LRMDA: variants seen among roughly 807,000 people sequenced by gnomAD.
LRMDA encodes the protein leucine-rich melanocyte differentiation-associated protein.
A neutral mutation model predicts 29.8 loss-of-function variants in LRMDA; 18 were observed. That is an observed-to-expected ratio of 0.60 (90% CI 0.42 to 0.90). The LOEUF (loss-of-function observed/expected upper bound fraction) is 0.90, where lower values mean the gene tolerates loss of function less well. Ranked by LOEUF, LRMDA falls within the 40% of genes least tolerant of loss-of-function variation. The pLI is 0.00. For missense variants in LRMDA, 273 were observed against 273.9 expected (o/e 1.00, Z 0.02); for synonymous variants, 125 against 109.4 (o/e 1.14, Z -0.89).
chr10:76,512,071 G>T (rs763200124), intron 6 of LRMDA, among the ~76,000 whole-genome samples: 1 of 152,022 alleles, frequency 6.6e-6, no homozygotes, highest in Non-Finnish European at 1.5e-5. Context: ...GGATAGTTTC[G>T]CCCATACTGT....
At chr10:75,792,184 C>A (rs1204028830) in intron 2 of LRMDA, among the ~76,000 whole-genome samples, 1 of 152,008 alleles carries the variant, frequency 6.6e-6, no homozygotes, top group East Asian at 1.9e-4. Context: ...TGAACTAACC[C>A]CAGCTGAGCA....
chr10:76,022,382 C>T (rs1847989078), intron 2 of LRMDA, among the ~76,000 whole-genome samples: 1 of 152,188 alleles, frequency 6.6e-6, no homozygotes, highest in Non-Finnish European at 1.5e-5. Context: ...TTTTCTTAGG[C>T]CTCAACGGCA....
intron 2 of LRMDA, among the ~76,000 whole-genome samples, chr10:75,722,720 A>G (rs1263564305): frequency 2.0e-5 from 3 of 152,228 alleles, no homozygotes; most frequent in Non-Finnish European, 4.4e-5. Flanking sequence ...AAAGTAGCTC[A>G]GCATAAAATG....
intron 2 of LRMDA, among the ~76,000 whole-genome samples, chr10:75,958,697 A>G (rs1846707979): frequency 6.6e-6 from 1 of 152,228 alleles, no homozygotes; most frequent in Admixed American, 6.5e-5. Flanking sequence ...ACTGGGTTGT[A>G]TAGCTGAGAG....
At chr10:75,575,782 C>A (rs1840496677) in intron 2 of LRMDA, among the ~76,000 whole-genome samples, 1 of 152,140 alleles carries the variant, frequency 6.6e-6, no homozygotes. Context: ...GGGAACTCCC[C>A]CTCCTAGCCA....
chr10:75,860,291 A>G (rs1002807682), intron 2 of LRMDA, among the ~76,000 whole-genome samples: 2 of 144,026 alleles, frequency 1.4e-5, no homozygotes, highest in Non-Finnish European at 3.0e-5. Context: ...TTGGAAAGCT[A>G]GATCATTATG....
At chr10:75,908,652 C>T (rs1054734069) in intron 2 of LRMDA, among the ~76,000 whole-genome samples, 1 of 152,160 alleles carries the variant, frequency 6.6e-6, no homozygotes, top group Non-Finnish European at 1.5e-5. Flanking sequence ...AGCTCTCCAT[C>T]GATGTCATCC....
chr10:76,426,760 A>G lies in LRMDA; in HGVS notation c.601+102275A>G, dbSNP rs987713896. On this transcript the variant is annotated intron_variant, in intron 6 of 6. Transcript: ENST00000611255. Reference sequence around the variant, plus strand: ...GGTCTAACATTTAAGTCTTTAATCCATCTTGAATTAATTTTTGCATAAGGT... The same window carrying G: ...GGTCTAACATTTAAGTCTTTAATCCGTCTTGAATTAATTTTTGCATAAGGT... Among the ~76,000 whole-genome samples, 19 of 152,306 alleles carry G rather than the reference A, an allele frequency of 1.2e-4. No homozygotes were observed. In the East Asian group the frequency reaches 2.9e-3, roughly 23 times the overall value.
chr10:75,717,576 G>T (rs1842517312), intron 2 of LRMDA, among the ~76,000 whole-genome samples: 1 of 152,184 alleles, frequency 6.6e-6, no homozygotes, highest in Non-Finnish European at 1.5e-5. Context: ...TCCTCTTGGT[G>T]TGACATCTGT....
At chr10:76,378,751 G>C (rs1404375815) in intron 6 of LRMDA, among the ~76,000 whole-genome samples, 1 of 151,134 alleles carries the variant, frequency 6.6e-6, no homozygotes, top group Non-Finnish European at 1.5e-5. Context: ...TTATGTTTTT[G>C]ATGTGCTACT....
intron 2 of LRMDA, among the ~76,000 whole-genome samples, chr10:75,849,714 C>T (rs960525603): frequency 6.6e-6 from 1 of 152,038 alleles, no homozygotes; most frequent in African/African-American, 2.4e-5. Context: ...ACACGTTTAC[C>T]TATGTAACAA....
chr10:75,491,351 G>A (rs749979839), intron 2 of LRMDA, among the ~76,000 whole-genome samples: 28 of 152,288 alleles, frequency 1.8e-4, no homozygotes, highest in Admixed American at 5.2e-4. Flanking sequence ...GCGGTATTGT[G>A]GGGGAGAGGT....
intron 2 of LRMDA, among the ~76,000 whole-genome samples, chr10:75,652,079 A>G (rs1841606642): frequency 6.6e-6 from 1 of 152,208 alleles, no homozygotes; most frequent in Non-Finnish European, 1.5e-5. Context: ...GTTGTCCAAC[A>G]ATAGTTACCA....
chr10:76,316,319 C>T (rs942106615), intron 5 of LRMDA, among the ~76,000 whole-genome samples: 7 of 152,222 alleles, frequency 4.6e-5, no homozygotes, highest in Admixed American at 2.0e-4. Context: ...GATGCAGCCT[C>T]TCTTGGAGCC....
intron 2 of LRMDA, among the ~76,000 whole-genome samples, chr10:75,630,642 T>C (rs1308433497): frequency 6.6e-6 from 1 of 152,250 alleles, no homozygotes; most frequent in Non-Finnish European, 1.5e-5. Context: ...TCTGTCAGCT[T>C]TGTTTATCTA....
intron 2 of LRMDA, among the ~76,000 whole-genome samples, chr10:75,911,412 G>A (rs537199957): frequency 1.3e-4 from 20 of 152,274 alleles, no homozygotes; most frequent in Middle Eastern, 3.4e-3. Flanking sequence ...CTGAGAGACT[G>A]AGGAGCTAGG....
At chr10:75,811,196 G>C (rs986685448) in intron 2 of LRMDA, among the ~76,000 whole-genome samples, 3 of 152,202 alleles carry the variant, frequency 2.0e-5, no homozygotes, top group Non-Finnish European at 4.4e-5. Flanking sequence ...AGGCCCCAAA[G>C]TGTCAGCAAC....
chr10:76,452,099 G>A (rs1842413313), intron 6 of LRMDA, among the ~76,000 whole-genome samples: 1 of 152,170 alleles, frequency 6.6e-6, no homozygotes, highest in Admixed American at 6.5e-5. Flanking sequence ...TCACTTATCA[G>A]ATGGCTCATC....
rs575659288 is a variant in LRMDA at position 76,416,900 on chromosome 10, C to A, written c.601+92415C>A. ...GGTGTGTCTGCACTGCCCATTCTTG[C>A]ATTTCTATCTTTTAACTGTTATGGA... is the stretch of plus-strand genomic sequence containing the variant. On this transcript the variant is annotated intron_variant, in intron 6 of 6. Coordinates refer to ENST00000611255, the MANE Select transcript of LRMDA (RefSeq NM_001305581.2). 2.0e-5 allele frequency among the ~76,000 whole-genome samples: 3 copies of A among 152,270 alleles called. No homozygotes were observed. The East Asian group carries it at 5.8e-4, about 29-fold the overall frequency.
Sources: allele counts gnomAD v4.1 joint callset (sites outside exome capture counted in the v4.1 genomes callset), GRCh38; gene constraint gnomAD v4.1.1; transcripts MANE v1.5; gene names NCBI Gene and HGNC (gene_info 2026-07-23, HGNC 2026-07-21).